MED12L: variants seen among roughly 807,000 people sequenced by gnomAD.
The protein encoded by MED12L is mediator of RNA polymerase II transcription subunit 12-like protein.
MED12L carries 60 observed loss-of-function variants against 281.3 expected under a neutral mutation model. That is an observed-to-expected ratio of 0.21 (90% CI 0.17 to 0.26). The LOEUF (loss-of-function observed/expected upper bound fraction) is 0.26, where lower values mean the gene tolerates loss of function less well. MED12L is among the 10% of genes least tolerant of loss of function. MED12L has a pLI of 1.00. For synonymous variants in MED12L, 974 were observed against 987.2 expected (o/e 0.99, Z 0.25); for missense variants, 2,146 against 2,680.9 (o/e 0.80, Z 4.41).
intron 3 of MED12L, among the ~76,000 whole-genome samples, chr3:151,117,508 T>G (rs1713014293): frequency 1.3e-5 from 2 of 152,214 alleles, no homozygotes; most frequent in South Asian, 4.1e-4. Context: ...GTATTTCCCC[T>G]GCTTTTTCGT....
At chr3:151,417,402 T>A (rs1374135820) in intron 43 of MED12L, among the ~76,000 whole-genome samples, 2 of 151,586 alleles carry the variant, frequency 1.3e-5, no homozygotes, top group Admixed American at 1.3e-4. Flanking sequence ...GACCAGAACA[T>A]GGTCAACTGG....
intron 16 of MED12L, among the ~76,000 whole-genome samples, chr3:151,300,568 G>A (rs1238779489): frequency 6.6e-6 from 1 of 152,160 alleles, no homozygotes; most frequent in African/African-American, 2.4e-5. Flanking sequence ...ATTGACCATA[G>A]AAAGCAGAAT....
In MED12L at chr3:151,216,670, T is replaced by TC. The variant is rs200661403; in HGVS notation, c.2250+23007dup. Among the ~76,000 whole-genome samples the TC allele has an allele frequency of 5.3e-4, 80 of 152,300 alleles. No homozygotes were observed. In the East Asian group the frequency reaches 0.015, roughly 28 times the overall value. ...CTTTCACTAGCACTATTCTTCCTCT[T>TC]CCCTGTAGCCTTGTGTGCTTGGCTC... is the stretch of plus-strand genomic sequence containing the variant. On this transcript the variant is annotated intron_variant, in intron 16 of 44. Transcript: ENST00000687756.
Position 151,357,352 on chromosome 3 carries a change from A to G in MED12L, c.2801A>G (p.Asp934Gly). The G allele has an allele frequency of 1.2e-6, 2 of 1,612,440 alleles. No individual in the cohort carries two copies. The highest frequency in any genetic ancestry group is 1.7e-6 in the Non-Finnish European group (2 of 1,179,250). The change falls in exon 20 of 45, where the codon GAT (aspartate) becomes GGT (glycine). Residue 934 changes from aspartate (D) to glycine (G), a missense_variant. Physicochemically the swap from Asp to Gly is moderately conservative, Grantham distance 94. Around this residue, in one of 9 missense-constraint regions of MED12L, gnomAD observed 404 missense variants for 603.5 expected, o/e 0.67. Transcript: ENST00000687756. Reference sequence around the variant, plus strand: ...CACAGTTGTCTAATCTTGAATCCTGATCAGACAGCCCAGGTGTTTGAAGGG... The same window carrying G: ...CACAGTTGTCTAATCTTGAATCCTGGTCAGACAGCCCAGGTGTTTGAAGGG... Reference protein sequence around the residue: ...RYHSCLILNPDQTAQVFEGLC... With the variant: ...RYHSCLILNPGQTAQVFEGLC...
rs1229544330 is a variant in MED12L at position 151,141,181 on chromosome 3, TTTTTTG to T, written c.556+13203_556+13208del. The stretch of plus-strand genomic sequence containing the variant: ...CGTGCCTGGCGTTTTTTTTTTTGTT[TTTTTTG>T]TTTTTTTTTTTTTGTTAGTAGAGAC... On this transcript the variant is annotated intron_variant, in intron 5 of 44. Coordinates refer to ENST00000687756, the MANE Select transcript of MED12L (RefSeq NM_001393769.1). Among the ~76,000 whole-genome samples, 7 of 124,572 alleles carry T rather than the reference TTTTTTG, an allele frequency of 5.6e-5. No homozygotes were observed. The East Asian group carries it at 1.6e-3, about 29-fold the overall frequency. The allele number at this position is 124,572 out of a possible 152,430, so 81.7% of individuals were successfully genotyped here.
At chr3:151,163,789 G>A (rs775438260) in intron 8 of MED12L, 104 bp from the exon 9 acceptor site, 46 of 1,144,340 alleles carry the variant, frequency 4.0e-5, no homozygotes, top group Non-Finnish European at 5.4e-5. Flanking sequence ...CTTACTAGTA[G>A]GAGACAATAA....
chr3:151,135,284 TG>T (rs1485812613), intron 5 of MED12L, among the ~76,000 whole-genome samples: 1 of 152,262 alleles, frequency 6.6e-6, no homozygotes, highest in Non-Finnish European at 1.5e-5. Flanking sequence ...CCCAAAGGGC[TG>T]GGATTACAGG....
chr3:151,420,838 G>T (rs899463517), intron 43 of MED12L, among the ~76,000 whole-genome samples: 1 of 152,234 alleles, frequency 6.6e-6, no homozygotes, highest in African/African-American at 2.4e-5. Context: ...CATTCTGTGA[G>T]TCCACGGATG....
intron 39 of MED12L, among the ~76,000 whole-genome samples, chr3:151,402,292 G>T (rs1715786675): frequency 6.6e-6 from 1 of 152,118 alleles, no homozygotes; most frequent in Non-Finnish European, 1.5e-5. Flanking sequence ...TTTAGAAAGG[G>T]ACTCATTTAG....
At chr3:151,105,658 G>T (rs1284304510) in intron 2 of MED12L, among the ~76,000 whole-genome samples, 1 of 152,138 alleles carries the variant, frequency 6.6e-6, no homozygotes, top group Non-Finnish European at 1.5e-5. Context: ...CCCAGGGTCT[G>T]TCTTAGGTCC....
At chr3:151,191,813 G>A (rs1405147349) in intron 14 of MED12L, among the ~76,000 whole-genome samples, 1 of 152,164 alleles carries the variant, frequency 6.6e-6, no homozygotes, top group Non-Finnish European at 1.5e-5. Context: ...GGCTGAGGCA[G>A]GAGAATTGCT....
At chr3:151,201,221 A>ACT (rs199616990) in intron 16 of MED12L, among the ~76,000 whole-genome samples, 2 of 148,994 alleles carry the variant, frequency 1.3e-5, no homozygotes, top group African/African-American at 5.1e-5. Context: ...CCACGTGCAC[A>ACT]CACTCTCTCT....
intron 37 of MED12L, among the ~76,000 whole-genome samples, chr3:151,389,086 A>T (rs1221646148): frequency 6.6e-6 from 1 of 152,214 alleles, no homozygotes; most frequent in East Asian, 1.9e-4. Context: ...CCACTTTAGG[A>T]TGCCACTTGA....
intron 6 of MED12L, among the ~76,000 whole-genome samples, chr3:151,158,437 G>A (rs1719562255): frequency 6.6e-6 from 1 of 151,274 alleles, no homozygotes; most frequent in Admixed American, 6.6e-5. Context: ...GGGTGTGAAA[G>A]CTTCTGAAAT....
intron 16 of MED12L, among the ~76,000 whole-genome samples, chr3:151,264,301 T>C (rs1343199368): frequency 1.3e-5 from 2 of 152,314 alleles, no homozygotes; most frequent in Admixed American, 1.3e-4. Flanking sequence ...TCAAAAAGAG[T>C]TTGTGCTCAC....
intron 16 of MED12L, among the ~76,000 whole-genome samples, chr3:151,203,580 T>C (rs1420056243): frequency 2.6e-5 from 4 of 152,118 alleles, no homozygotes; most frequent in East Asian, 1.9e-4. Flanking sequence ...ATTTAAAAAA[T>C]AGTTGCAGTT....
At chr3:151,197,068 C>G (rs990659525) in intron 16 of MED12L, among the ~76,000 whole-genome samples, 12 of 152,094 alleles carry the variant, frequency 7.9e-5, no homozygotes, top group Non-Finnish European at 1.5e-4. Context: ...TTATTTAATG[C>G]TGTGTATTCT....
chr3:151,253,339 A>G (rs1737196219), intron 16 of MED12L, among the ~76,000 whole-genome samples: 2 of 152,150 alleles, frequency 1.3e-5, no homozygotes, highest in African/African-American at 4.8e-5. Context: ...TTCCGCTCTT[A>G]CCCCTCACTC....
chr3:151,284,179 A>G (rs1743163860), intron 16 of MED12L, among the ~76,000 whole-genome samples: 1 of 152,218 alleles, frequency 6.6e-6, no homozygotes, highest in Non-Finnish European at 1.5e-5. Context: ...GCATGGCCTC[A>G]GCAAGTTTAA....
Sources: allele counts gnomAD v4.1 joint callset (sites outside exome capture counted in the v4.1 genomes callset), GRCh38; gene constraint gnomAD v4.1.1; regional missense constraint gnomAD v4.1.1; transcripts MANE v1.5; gene names NCBI Gene and HGNC (gene_info 2026-07-23, HGNC 2026-07-21).